The following CGGBP1 variants were observed in gnomAD, a reference collection of about 807,000 sequenced individuals.
CGGBP1 encodes CGG triplet repeat binding protein 1.
Under a neutral mutation model 11.4 loss-of-function variants are expected in CGGBP1, and 4 were observed. The observed-to-expected ratio is 0.35, with a 90% CI of 0.17 to 0.80. The LOEUF (loss-of-function observed/expected upper bound fraction) is 0.80. CGGBP1 is among the 30% of genes least tolerant of loss of function. CGGBP1 has a pLI of 0.52. For synonymous variants in CGGBP1, 76 were observed against 74.1 expected, an observed-to-expected ratio of 1.03 and a Z score of -0.13; for missense variants, 135 against 202.1, an observed-to-expected ratio of 0.67 and a Z score of 2.01.
At chr3:88,088,765 G>A (rs541485663) in intron 2 of CGGBP1, among the ~76,000 whole-genome samples, 6 of 149,488 alleles carry the variant, frequency 4.0e-5, no homozygotes, top group African/African-American at 1.5e-4. Context: ...TGTATGTATG[G>A]ATGGATGGAT....
intron 2 of CGGBP1, among the ~76,000 whole-genome samples, chr3:88,069,867 A>T (rs746373152): frequency 6.6e-6 from 1 of 152,166 alleles, no homozygotes; most frequent in Non-Finnish European, 1.5e-5. Flanking sequence ...TGTGTTTTAA[A>T]TGTTTATCCT....
At chr3:88,094,944 C>T (rs1408700852) in intron 2 of CGGBP1, among the ~76,000 whole-genome samples, 1 of 152,080 alleles carries the variant, frequency 6.6e-6, no homozygotes, top group Non-Finnish European at 1.5e-5. Context: ...TTGCTCACTG[C>T]TTCTTACAAA....
Position 88,052,186 on chromosome 3 carries a change from G to T in CGGBP1, c.*3287C>A, listed in dbSNP as rs1706443486. ...ATACAAGTAGAATACCACTAGATAA[G>T]AATTGTATTTACCTAAGAAATCTAT... On this transcript the variant is annotated 3_prime_UTR_variant, in exon 4 of 4. Coordinates refer to ENST00000482016, the MANE Select transcript of CGGBP1 (RefSeq NM_001008390.2). The T allele has an allele frequency of 6.6e-6, 1 of 152,516 alleles. No homozygotes were observed. Among genetic ancestry groups the T allele is most frequent in the South Asian group, 2.1e-4 (1 of 4,824 alleles). The allele number at this position is 152,516 out of a possible 1,614,324, so 9.4% of individuals were successfully genotyped here.
chr3:88,059,386 T>C, upstream of CGGBP1: 5 of 1,534,606 alleles, frequency 3.3e-6, no homozygotes, highest in Non-Finnish European at 4.4e-6. Flanking sequence ...CATTGTGGAG[T>C]CCCCGCTGGG....
chr3:88,113,824 CTTAT>C (rs1486957563), intron 2 of CGGBP1, among the ~76,000 whole-genome samples: 3 of 9,278 alleles, frequency 3.2e-4, no homozygotes, highest in African/African-American at 4.7e-4. Context: ...GACAACATAT[CTTAT>C]ATTTGTTAAC....
intron 2 of CGGBP1, among the ~76,000 whole-genome samples, chr3:88,072,433 C>G (rs879934294): frequency 1.3e-5 from 2 of 152,098 alleles, no homozygotes; most frequent in Admixed American, 6.5e-5. Flanking sequence ...ATAATCCTGC[C>G]CCATCTAGCT....
At chr3:88,123,062 A>G (rs1308465706) in intron 2 of CGGBP1, among the ~76,000 whole-genome samples, 1 of 151,942 alleles carries the variant, frequency 6.6e-6, no homozygotes, top group Non-Finnish European at 1.5e-5. Context: ...ATGTGTATAT[A>G]TACCCTAGGA....
intron 2 of CGGBP1, chr3:88,113,127 G>A (rs1471951167): frequency 3.9e-6 from 6 of 1,532,568 alleles, no homozygotes; most frequent in Non-Finnish European, 5.2e-6. Context: ...GTTTCTTTGA[G>A]TTGCTGCTGT....
intron 2 of CGGBP1, among the ~76,000 whole-genome samples, chr3:88,069,105 A>G (rs1027236968): frequency 3.3e-5 from 5 of 150,906 alleles, no homozygotes; most frequent in Non-Finnish European, 4.4e-5. Context: ...ATCAAATTCA[A>G]TCTAGCAGAA....
chr3:88,112,556 G>A (rs1174352211), intron 2 of CGGBP1, among the ~76,000 whole-genome samples: 1 of 151,936 alleles, frequency 6.6e-6, no homozygotes, highest in Non-Finnish European at 1.5e-5. Context: ...ATCCTGTTAT[G>A]AGTGGGATAA....
chr3:88,107,150 G>A (rs7651999), intron 2 of CGGBP1, among the ~76,000 whole-genome samples: 107,525 of 152,064 alleles, frequency 0.71, 41,726 homozygotes, highest in South Asian at 0.91. Flanking sequence ...TTAGTTAAGG[G>A]GAATTTAGCT....
intron 1 of CGGBP1, among the ~76,000 whole-genome samples, chr3:88,146,301 C>T (rs950012970): frequency 2.6e-5 from 4 of 152,086 alleles, no homozygotes; most frequent in Non-Finnish European, 5.9e-5. Context: ...TAAACAGTTC[C>T]CCCTTAAATT....
chr3:88,088,060 C>T (rs1310917500), intron 2 of CGGBP1, among the ~76,000 whole-genome samples: 2 of 152,176 alleles, frequency 1.3e-5, no homozygotes, highest in South Asian at 4.1e-4. Flanking sequence ...CTGAGCATTT[C>T]AGATAAGGGA....
intron 2 of CGGBP1, among the ~76,000 whole-genome samples, chr3:88,125,234 ACAAAAAAAAAC>A (rs1706027104): frequency 6.6e-6 from 1 of 151,718 alleles, no homozygotes; most frequent in Non-Finnish European, 1.5e-5. Context: ...AAACAAAAAA[ACAAAAAAAAAC>A]CAATATCTAA....
At chr3:88,139,336 G>T in intron 2 of CGGBP1, 1 of 1,606,626 alleles carries the variant, frequency 6.2e-7, no homozygotes, top group Non-Finnish European at 8.5e-7. Context: ...GAATTTTTAG[G>T]TGGTCACATT....
Position 88,054,241 on chromosome 3 carries a change from T to TA in CGGBP1, c.*1231dup, listed in dbSNP as rs1182926351. The TA allele has an allele frequency of 6.6e-6, 1 of 152,644 alleles. No individual in the cohort carries two copies. The highest frequency in any genetic ancestry group is 1.5e-5 in the Non-Finnish European group (1 of 68,022). The allele number at this position is 152,644 out of a possible 1,614,324, so 9.5% of individuals were successfully genotyped here. On this transcript the variant is annotated 3_prime_UTR_variant, in exon 4 of 4. Transcript: ENST00000482016. Reference sequence around the variant, plus strand: ...AGCTCTAGTCCAAGTTTCCAGCTGTTAAATTTTTAAAAAATATAATTTGGG... The same window carrying TA: ...AGCTCTAGTCCAAGTTTCCAGCTGTTAAAATTTTTAAAAAATATAATTTGGG...
chr3:88,093,222 T>G (rs1176820136), intron 2 of CGGBP1, among the ~76,000 whole-genome samples: 2 of 152,192 alleles, frequency 1.3e-5, no homozygotes, highest in Non-Finnish European at 2.9e-5. Context: ...TTAGATTGGT[T>G]AAATACTGAT....
At chr3:88,149,766 T>TA in exon 1 of CGGBP1, 1 of 252,306 alleles carries the variant, frequency 4.0e-6, no homozygotes, top group Non-Finnish European at 7.8e-6. Context: ...TCTCTTTCGG[T>TA]AACCAGCTCC....
intron 2 of CGGBP1, among the ~76,000 whole-genome samples, chr3:88,122,469 G>T (rs961959470): frequency 1.3e-5 from 2 of 152,134 alleles, no homozygotes; most frequent in Admixed American, 6.5e-5. Flanking sequence ...CTCTAAAATG[G>T]CAACCAGTTC....
Sources: gnomAD v4.1 joint callset for allele counts (sites outside exome capture counted in the v4.1 genomes callset) on GRCh38, gnomAD v4.1.1 for gene constraint, MANE v1.5 for transcripts, NCBI Gene and HGNC (gene_info 2026-07-23, HGNC 2026-07-21) for gene names.